The following ATG5 variants were observed in gnomAD, a reference collection of about 807,000 sequenced individuals.
The protein encoded by ATG5 is autophagy protein 5.
A neutral mutation model predicts 36.5 loss-of-function variants in ATG5; 14 were observed. The observed-to-expected ratio is 0.38, with a 90% CI of 0.25 to 0.60. ATG5 has a LOEUF of 0.60. ATG5 is among the 20% of genes least tolerant of loss of function. The pLI, the probability that ATG5 is intolerant of heterozygous loss-of-function variation, is 0.60. For synonymous variants in ATG5, 95 were observed against 101.5 expected, an observed-to-expected ratio of 0.94 and a Z score of 0.38; for missense variants, 195 against 326.7, an observed-to-expected ratio of 0.60 and a Z score of 3.11.
At chr6:106,276,841 C>T (rs1779677087) in intron 5 of ATG5, among the ~76,000 whole-genome samples, 1 of 152,136 alleles carries the variant, frequency 6.6e-6, no homozygotes, top group Admixed American at 6.5e-5. Context: ...CTTCAAATCA[C>T]CAGCAAGAAA....
At chr6:106,267,512 A>G (rs1779272445) in intron 5 of ATG5, among the ~76,000 whole-genome samples, 1 of 152,230 alleles carries the variant, frequency 6.6e-6, no homozygotes, top group Non-Finnish European at 1.5e-5. Context: ...ATGGAACCAA[A>G]AAAGAGCCTG....
chr6:106,314,134 G>C (rs1051290314), intron 2 of ATG5, among the ~76,000 whole-genome samples: 2 of 152,134 alleles, frequency 1.3e-5, no homozygotes, highest in Non-Finnish European at 2.9e-5. Context: ...AGAAACACTA[G>C]AAAACAACTT....
chr6:106,288,427 T>C (rs1780171377), intron 4 of ATG5, among the ~76,000 whole-genome samples: 1 of 152,194 alleles, frequency 6.6e-6, no homozygotes, highest in Non-Finnish European at 1.5e-5. Context: ...TTTCATTGTT[T>C]TGGTAAACAA....
chr6:106,245,640 G>A (rs376346678), intron 6 of ATG5, among the ~76,000 whole-genome samples: 2 of 151,834 alleles, frequency 1.3e-5, no homozygotes, highest in African/African-American at 4.8e-5. Context: ...CTCTCTCTCC[G>A]GTTATGCAGA....
chr6:106,281,024 C>T (rs1048332459), intron 4 of ATG5, among the ~76,000 whole-genome samples: 52 of 152,036 alleles, frequency 3.4e-4, no homozygotes, highest in African/African-American at 1.2e-3. Context: ...TAGCCTACTC[C>T]GGTTACTGTA....
chr6:106,268,598 T>G (rs1054930758), intron 5 of ATG5, among the ~76,000 whole-genome samples: 1 of 152,166 alleles, frequency 6.6e-6, no homozygotes, highest in African/African-American at 2.4e-5. Flanking sequence ...GCAGCACTAT[T>G]TACAATAGCA....
chr6:106,300,624 A>G (rs1770171402), intron 3 of ATG5, among the ~76,000 whole-genome samples: 1 of 152,106 alleles, frequency 6.6e-6, no homozygotes, highest in Non-Finnish European at 1.5e-5. Flanking sequence ...CCTAGGCTAC[A>G]TGGTGTAGCC....
At chr6:106,251,858 A>G (rs1778605331) in intron 5 of ATG5, among the ~76,000 whole-genome samples, 1 of 151,792 alleles carries the variant, frequency 6.6e-6, no homozygotes, top group African/African-American at 2.4e-5. Context: ...CCTTTTAAAA[A>G]GAGACAGAGT....
At chr6:106,223,671 T>C (rs1202157745) in intron 6 of ATG5, among the ~76,000 whole-genome samples, 2 of 152,254 alleles carry the variant, frequency 1.3e-5, no homozygotes, top group Admixed American at 6.5e-5. Context: ...TCTATAGAGA[T>C]ACAGAGAGAA....
At chr6:106,217,493 G>A (rs367597588) in intron 6 of ATG5, 2 of 152,130 alleles carry the variant, frequency 1.3e-5, no homozygotes, top group African/African-American at 4.8e-5. Flanking sequence ...CACTGTTTGC[G>A]AGCTTTTCCA....
chr6:106,216,953 G>C (rs1330674782), intron 6 of ATG5, among the ~76,000 whole-genome samples: 1 of 146,760 alleles, frequency 6.8e-6, no homozygotes, highest in African/African-American at 2.5e-5. Context: ...CTTCAAGTAA[G>C]CTGTTATTAA....
intron 3 of ATG5, among the ~76,000 whole-genome samples, chr6:106,307,755 C>T: frequency 6.6e-6 from 1 of 152,018 alleles, no homozygotes; most frequent in Non-Finnish European, 1.5e-5. Context: ...AGGCTGGTCT[C>T]GAACTCCTGG....
intron 6 of ATG5, among the ~76,000 whole-genome samples, chr6:106,235,778 TCTC>T: frequency 3.6e-5 from 1 of 27,454 alleles, no homozygotes; most frequent in Admixed American, 5.2e-4. Context: ...GTATGGGAGC[TCTC>T]TCTGTCTTCA....
intron 6 of ATG5, among the ~76,000 whole-genome samples, chr6:106,227,049 T>C (rs1357063706): frequency 1.3e-5 from 2 of 151,994 alleles, no homozygotes; most frequent in Non-Finnish European, 2.9e-5. Context: ...GAAAAAATAA[T>C]GGCCCTAAAC....
At chr6:106,223,309 T>C (rs1339007417) in intron 6 of ATG5, among the ~76,000 whole-genome samples, 1 of 152,188 alleles carries the variant, frequency 6.6e-6, no homozygotes, top group Non-Finnish European at 1.5e-5. Context: ...ACTGAAGTCC[T>C]AGAAAATAGA....
chr6:106,186,363 G>T lies in ATG5; in HGVS notation c.*177C>A. The stretch of plus-strand genomic sequence containing the variant: ...GGCAGTGGAGGAAAGCAGAGGTGAT[G>T]CAAAGTAAGACCAGCCCAGTTGCCT... On this transcript the variant is annotated 3_prime_UTR_variant, in exon 8 of 8. Transcript: ENST00000369076. The T allele has an allele frequency of 3.1e-6, 2 of 650,532 alleles. No individual in the cohort carries two copies. Among genetic ancestry groups the T allele is most frequent in the Non-Finnish European group, 5.1e-6 (2 of 391,646 alleles). The allele number at this position is 650,532 out of a possible 1,614,324, so 40.3% of individuals were successfully genotyped here. A position where few individuals can be genotyped will look rare whatever the true frequency, so the allele number is the denominator to read the frequency against.
chr6:106,256,298 C>G (rs1351822428), intron 5 of ATG5, among the ~76,000 whole-genome samples: 1 of 152,172 alleles, frequency 6.6e-6, no homozygotes, highest in Non-Finnish European at 1.5e-5. Context: ...CACCAATGGT[C>G]ACTGGAGATG....
At chr6:106,289,097 C>T (rs1051466258) in intron 4 of ATG5, among the ~76,000 whole-genome samples, 8 of 152,120 alleles carry the variant, frequency 5.3e-5, no homozygotes, top group Admixed American at 5.2e-4. Context: ...CAATACAACA[C>T]CACAGAAGAT....
At chr6:106,275,241 C>T (rs1489901215) in intron 5 of ATG5, among the ~76,000 whole-genome samples, 1 of 152,230 alleles carries the variant, frequency 6.6e-6, no homozygotes, top group Non-Finnish European at 1.5e-5. Flanking sequence ...CATTAATTAA[C>T]ATTCAGCATT....
Sources: allele counts gnomAD v4.1 joint callset (sites outside exome capture counted in the v4.1 genomes callset), GRCh38; gene constraint gnomAD v4.1.1; transcripts MANE v1.5; gene names NCBI Gene and HGNC (gene_info 2026-07-23, HGNC 2026-07-21).